PTGER1: variants seen among roughly 807,000 people sequenced by gnomAD.
PTGER1 encodes prostaglandin E2 receptor EP1 subtype.
In PTGER1, 15 loss-of-function variants were observed where a neutral mutation model predicts 18.5. The ratio of observed to expected loss-of-function variants is 0.81; its 90% CI spans 0.54 to 1.25. PTGER1 has a LOEUF of 1.25. PTGER1 is among the 50% of genes most tolerant of loss of function. The pLI is 0.00. For synonymous variants in PTGER1, 339 were observed against 308.4 expected (o/e 1.10, Z -1.04); for missense variants, 567 against 603.4 (o/e 0.94, Z 0.63).
rs1368846229 is a variant in PTGER1, at chr19:14,474,356, G to C, written c.-17-19C>G. On this transcript the variant is annotated intron_variant, in intron 1 of 2. Coordinates refer to ENST00000292513, the MANE Select transcript of PTGER1 (RefSeq NM_000955.3). This position sits in a 1 kb window ranked among gnomAD's most constrained non-coding sequence, Gnocchi z 5.4. ...AGGGGTGCTGGATAGAGGAGAGGAG[G>C]GCAGAGTGAGGCTGGCTGGGCCCGG... is the stretch of plus-strand genomic sequence containing the variant. 6.8e-7 allele frequency: 1 copy of C among 1,466,234 alleles called. No homozygotes were observed. Among genetic ancestry groups the C allele is most frequent in the Non-Finnish European group, 9.0e-7 (1 of 1,116,746 alleles). The allele number at this position is 1,466,234 out of a possible 1,614,324, so 90.8% of individuals were successfully genotyped here.
Position 14,473,904 on chromosome 19 carries a change from G to A in PTGER1, c.417C>T (p.Val139=). The A allele has an allele frequency of 7.4e-7, 1 of 1,359,008 alleles. No homozygotes were observed. Among genetic ancestry groups the A allele is most frequent in the Non-Finnish European group, 9.4e-7 (1 of 1,058,396 alleles). 84.2% of individuals were successfully genotyped at this position (1,359,008 alleles called of 1,614,324 possible). A position where few individuals can be genotyped will look rare whatever the true frequency, so the allele number is the denominator to read the frequency against. ...GCGCGGCGTGGAGCAGCGGCCGCGT[G>A]ACGCCCACGCAGCGCTCCACGGCCA... The part of the protein sequence containing the change: ...CGMAVERCVG[V]TRPLLHAARV... The change falls in exon 2 of 3, where the codon GTC becomes GTT. Residue 139 remains valine (V), a synonymous_variant. Coordinates refer to ENST00000292513, the MANE Select transcript of PTGER1 (RefSeq NM_000955.3). This position sits in a 1 kb window ranked among gnomAD's most constrained non-coding sequence, Gnocchi z 7.1.
rs1445229354 is a variant in PTGER1 at position 14,472,823 on chromosome 19, A to G, written c.946T>C (p.Leu316=). 1.3e-6 allele frequency: 2 copies of G among 1,550,588 alleles called. No individual in the cohort carries two copies. The highest frequency in any genetic ancestry group is 1.7e-6 in the Non-Finnish European group (2 of 1,150,086). ...CAGCCGCCGACGGCCAGCGCCACCA[A>G]CACCTGCGGGGGAAGCCGGTGTGAG... ...SCICWSPMLV[L]VALAVGGWSS... The change falls in exon 3 of 3, where the codon TTG becomes CTG. Residue 316 remains leucine, a synonymous_variant. Coordinates refer to ENST00000292513, the MANE Select transcript of PTGER1 (RefSeq NM_000955.3).
intron 2 of PTGER1, 34 bp from the exon 3 acceptor site, chr19:14,472,860 G>A: frequency 6.6e-7 from 1 of 1,523,408 alleles, no homozygotes; most frequent in Non-Finnish European, 8.8e-7. Flanking sequence ...TATAGAGCAG[G>A]CGCGGGCGCA....
intron 1 of PTGER1, among the ~76,000 whole-genome samples, chr19:14,475,054 A>G (rs2071599484): frequency 6.6e-6 from 1 of 151,580 alleles, no homozygotes; most frequent in Non-Finnish European, 1.5e-5. Flanking sequence ...ACGACCATCC[A>G]CTCTTTGATA....
chr19:14,473,356 C>T lies in PTGER1; in HGVS notation c.942+23G>A, dbSNP rs1190564970. 5.8e-6 allele frequency: 9 copies of T among 1,557,528 alleles called. No homozygotes were observed. Among genetic ancestry groups the T allele is most frequent in the African/African-American group, 2.7e-5 (2 of 73,002 alleles). ...AGAGGGAGCGGGAAGGAGCGTGGCT[C>T]GAGGGGCCGGTGCGCCCCTCACCAG... On this transcript the variant is annotated intron_variant, in intron 2 of 2. Transcript: ENST00000292513. The surrounding 1 kb of genome is among the most constrained non-coding windows in gnomAD (Gnocchi z 7.1).
At position 14,472,512 on chromosome 19, in the gene PTGER1, G is replaced by T; in HGVS notation, c.*48C>A. The T allele has an allele frequency of 2.3e-5, 34 of 1,493,870 alleles. No homozygotes were observed. The highest frequency in any genetic ancestry group is 2.9e-5 in the Non-Finnish European group (33 of 1,129,698). 92.5% of individuals were successfully genotyped at this position (1,493,870 alleles called of 1,614,324 possible). On this transcript the variant is annotated 3_prime_UTR_variant, in exon 3 of 3. Transcript: ENST00000292513. ...CCAAAGGCTCTGCGCCGCGCACCTG[G>T]GCCCAGCCCAGGGTGGGCTGGCTTA...
Position 14,473,457 on chromosome 19 carries a change from A to T in PTGER1, c.864T>A (p.Ala288=). ...CCACCATCTCCACGTCGTGGGCGCG[A>T]GCTCTGCGTGCCGAGCCGCTGCTCC... ...GSRSSGSARR[A]RAHDVEMVGQ... is the part of the protein sequence containing the mutation. The change falls in exon 2 of 3, where the codon GCT becomes GCA. Residue 288 remains alanine, a synonymous_variant. Coordinates refer to ENST00000292513, the MANE Select transcript of PTGER1 (RefSeq NM_000955.3). This position sits in a 1 kb window ranked among gnomAD's most constrained non-coding sequence, Gnocchi z 7.1. The T allele has an allele frequency of 6.3e-7, 1 of 1,590,886 alleles. No individual in the cohort carries two copies. Among genetic ancestry groups the T allele is most frequent in the South Asian group, 1.1e-5 (1 of 88,586 alleles).
chr19:14,473,638 G>A lies in PTGER1; in HGVS notation c.683C>T (p.Ala228Val). ...ALVCNTLSGLALLRARWRRRS... is the reference protein window; with the variant it reads ...ALVCNTLSGLVLLRARWRRRS... Reference sequence around the variant, plus strand: ...GCGTCGCCAGCGGGCGCGTAGCAGGGCCAGGCCGCTGAGCGTGTTGCACAC... The same window carrying A: ...GCGTCGCCAGCGGGCGCGTAGCAGGACCAGGCCGCTGAGCGTGTTGCACAC... Residue 228 changes from alanine to valine, a missense_variant, in exon 2 of 3, where the codon GCC becomes GTC. By Grantham distance (64) the Ala-to-Val change is moderately conservative. Coordinates refer to ENST00000292513, the MANE Select transcript of PTGER1 (RefSeq NM_000955.3). The surrounding 1 kb of genome is among the most constrained non-coding windows in gnomAD (Gnocchi z 7.1). 6.8e-7 allele frequency: 1 copy of A among 1,480,478 alleles called. No individual in the cohort carries two copies. The highest frequency in any genetic ancestry group is 8.9e-7 in the Non-Finnish European group (1 of 1,123,770). 91.7% of individuals were successfully genotyped at this position (1,480,478 alleles called of 1,614,324 possible).
chr19:14,474,026 A>G lies in PTGER1; in HGVS notation c.295T>C (p.Tyr99His). Residue 99 changes from tyrosine to histidine, a missense_variant, in exon 2 of 3, where the codon TAC (tyrosine) becomes CAC (histidine). Transcript: ENST00000292513. The surrounding 1 kb of genome is among the most constrained non-coding windows in gnomAD (Gnocchi z 5.4). ...CCGGCCGGAGCGCGCCCCGCAGTGT[A>G]CAGACGCAGCACCAGCGCGCCCGGG... ...VIPGALVLRL[Y>H]TAGRAPAGGA... The G allele has an allele frequency of 6.7e-7, 1 of 1,499,778 alleles. No homozygotes were observed. Among genetic ancestry groups the G allele is most frequent in the South Asian group, 1.2e-5 (1 of 81,038 alleles). The allele number at this position is 1,499,778 out of a possible 1,614,324, so 92.9% of individuals were successfully genotyped here.
At position 14,473,401 on chromosome 19, in the gene PTGER1, CACG is replaced by C. The variant is rs1292226632; in HGVS notation, c.917_919del (p.Ser306del). On this transcript the variant is annotated inframe_deletion, in exon 2 of 3. Coordinates refer to ENST00000292513, the MANE Select transcript of PTGER1 (RefSeq NM_000955.3). The surrounding 1 kb of genome is among the most constrained non-coding windows in gnomAD (Gnocchi z 7.1). ...CACCAGCATTGGGCTCCAGCAGATGCACGACACCACCATGATACCGACAAGCTG... is the reference window on the plus strand; with the variant it reads ...CACCAGCATTGGGCTCCAGCAGATGCACACCACCATGATACCGACAAGCTG... The C allele has an allele frequency of 1.3e-6, 2 of 1,594,558 alleles. No individual in the cohort carries two copies. The highest frequency in any genetic ancestry group is 2.3e-5 in the East Asian group (1 of 43,656).
chr19:14,475,011 A>G (rs2071599122), intron 1 of PTGER1, among the ~76,000 whole-genome samples: 1 of 151,952 alleles, frequency 6.6e-6, no homozygotes, highest in Non-Finnish European at 1.5e-5. Flanking sequence ...GTTCCACTCC[A>G]TATCCCTGCC....
Position 14,473,508 on chromosome 19 carries a change from C to T in PTGER1, c.813G>A (p.Ser271=), listed in dbSNP as rs1267498481. 2 of 1,576,746 alleles carry T rather than the reference C, an allele frequency of 1.3e-6. No homozygotes were observed. Among genetic ancestry groups the T allele is most frequent in the Non-Finnish European group, 1.7e-6 (2 of 1,165,536 alleles). ...ASASSASSIA[S]ASTFFGGSRS... The stretch of plus-strand genomic sequence containing the variant: ...GAGAGCCGCCAAAGAAGGTGGAGGC[C>T]GAAGCGATGGACGAGGCGGACGAGG... Residue 271 remains serine (S), a synonymous_variant, in exon 2 of 3, where the codon TCG becomes TCA. Transcript: ENST00000292513. The surrounding 1 kb of genome is among the most constrained non-coding windows in gnomAD (Gnocchi z 7.1).
In PTGER1 at chr19:14,474,438, C is replaced by A; in HGVS notation, c.-17-101G>T. 7.8e-7 allele frequency: 1 copy of A among 1,281,616 alleles called. No individual in the cohort carries two copies. Among genetic ancestry groups the A allele is most frequent in the Non-Finnish European group, 1.0e-6 (1 of 987,256 alleles). 79.4% of individuals were successfully genotyped at this position (1,281,616 alleles called of 1,614,324 possible). On this transcript the variant is annotated intron_variant, in intron 1 of 2. Transcript: ENST00000292513. This position sits in a 1 kb window ranked among gnomAD's most constrained non-coding sequence, Gnocchi z 5.4. ...CATCAGGGCCTGTTTGACTCCATGG[C>A]GTTCTCAGGCGGCCCCTCTGCCCAT...
In PTGER1 at chr19:14,474,542, C is replaced by T. The variant is rs1489012326; in HGVS notation, c.-17-205G>A. Among the ~76,000 whole-genome samples the T allele has an allele frequency of 1.3e-5, 2 of 152,152 alleles. No individual in the cohort carries two copies. Among genetic ancestry groups the T allele is most frequent in the African/African-American group, 2.4e-5 (1 of 41,418 alleles). Reference sequence around the variant, plus strand: ...TCTCCCTCTCTTTTGCCTCTCACCACCCCATCTCCTGCTCCAGGGCCTCCC... The same window carrying T: ...TCTCCCTCTCTTTTGCCTCTCACCATCCCATCTCCTGCTCCAGGGCCTCCC... On this transcript the variant is annotated intron_variant, in intron 1 of 2. Coordinates refer to ENST00000292513, the MANE Select transcript of PTGER1 (RefSeq NM_000955.3). This position sits in a 1 kb window ranked among gnomAD's most constrained non-coding sequence, Gnocchi z 5.4.
Position 14,474,122 on chromosome 19 carries a change from G to A in PTGER1, c.199C>T (p.Arg67Cys), listed in dbSNP as rs2071593354. 2 of 1,435,908 alleles carry A rather than the reference G, an allele frequency of 1.4e-6. 1 individual carries two copies. The allele number at this position is 1,435,908 out of a possible 1,614,324, so 88.9% of individuals were successfully genotyped here. The change falls in exon 2 of 3, where the codon CGC becomes TGC. Residue 67 changes from arginine to cysteine, a missense_variant. Coordinates refer to ENST00000292513, the MANE Select transcript of PTGER1 (RefSeq NM_000955.3). The surrounding 1 kb of genome is among the most constrained non-coding windows in gnomAD (Gnocchi z 5.4). ...LAQAAGRLRR[R>C]RSAATFLLFV... ...AGCAGGAAGGTGGCGGCCGAGCGGCGGCGTCGCAGGCGGCCCGCGGCCTGC... is the reference window on the plus strand; with the variant it reads ...AGCAGGAAGGTGGCGGCCGAGCGGCAGCGTCGCAGGCGGCCCGCGGCCTGC...
chr19:14,473,915 A>G lies in PTGER1; in HGVS notation c.406T>C (p.Cys136Arg). ...LLGCGMAVER[C>R]VGVTRPLLHA... ...AGCAGCGGCCGCGTGACGCCCACGC[A>G]GCGCTCCACGGCCATGCCACAGCCC... Residue 136 changes from cysteine (C) to arginine (R), a missense_variant, in exon 2 of 3, where the codon TGC (cysteine) becomes CGC (arginine). Physicochemically the swap from Cys to Arg is radical, Grantham distance 180. Transcript: ENST00000292513. This position sits in a 1 kb window ranked among gnomAD's most constrained non-coding sequence, Gnocchi z 7.1. 1 of 1,402,684 alleles carries G rather than the reference A, an allele frequency of 7.1e-7. No homozygotes were observed. Among genetic ancestry groups the G allele is most frequent in the Non-Finnish European group, 9.3e-7 (1 of 1,080,864 alleles). 86.9% of individuals were successfully genotyped at this position (1,402,684 alleles called of 1,614,324 possible). A position where few individuals can be genotyped will look rare whatever the true frequency, so the allele number is the denominator to read the frequency against.
At position 14,473,129 on chromosome 19, in the gene PTGER1, A is replaced by G. The variant is rs2071581100; in HGVS notation, c.942+250T>C. Among the ~76,000 whole-genome samples, 1 of 151,570 alleles carries G rather than the reference A, an allele frequency of 6.6e-6. No individual in the cohort carries two copies. Among genetic ancestry groups the G allele is most frequent in the African/African-American group, 2.4e-5 (1 of 41,136 alleles). ...GCGACTTATAACGGTGGGGCAGGAG[A>G]GGAGGCTTGTGTGGGTCGGGGTGCG... On this transcript the variant is annotated intron_variant, in intron 2 of 2. Coordinates refer to ENST00000292513, the MANE Select transcript of PTGER1 (RefSeq NM_000955.3). This position sits in a 1 kb window ranked among gnomAD's most constrained non-coding sequence, Gnocchi z 7.1.
Position 14,473,602 on chromosome 19 carries a change from C to T in PTGER1, c.719G>A (p.Arg240Gln), listed in dbSNP as rs1453931221. The change falls in exon 2 of 3, where the codon CGG becomes CAG. Residue 240 changes from arginine to glutamine, a missense_variant. Coordinates refer to ENST00000292513, the MANE Select transcript of PTGER1 (RefSeq NM_000955.3). The surrounding 1 kb of genome is among the most constrained non-coding windows in gnomAD (Gnocchi z 7.1). ...GTCGGGGCCTGAGGCCGGGGGAGGC[C>T]GTCGGGAGCGGCGTCGCCAGCGGGC... ...LRARWRRRSR[R>Q]PPPASGPDSR... is the part of the protein sequence containing the mutation. The T allele has an allele frequency of 6.8e-7, 1 of 1,463,878 alleles. No individual in the cohort carries two copies. The highest frequency in any genetic ancestry group is 8.9e-7 in the Non-Finnish European group (1 of 1,118,464). 90.7% of individuals were successfully genotyped at this position (1,463,878 alleles called of 1,614,324 possible).
chr19:14,472,681 A>G lies in PTGER1; in HGVS notation c.1088T>C (p.Leu363Pro), dbSNP rs1392504228. ...TCCGGCCCTCGGGGGCAAGAGGCGA[A>G]GCAGTTGGCGCAGCACGGCCTGGCG... is the stretch of plus-strand genomic sequence containing the variant. The part of the protein sequence containing the change: ...LLRQAVLRQL[L>P]RLLPPRAGAK... The change falls in exon 3 of 3, where the codon CTT (leucine) becomes CCT (proline). Residue 363 changes from leucine to proline, a missense_variant. Coordinates refer to ENST00000292513, the MANE Select transcript of PTGER1 (RefSeq NM_000955.3). The G allele has an allele frequency of 6.2e-7, 1 of 1,611,942 alleles. No homozygotes were observed. Among genetic ancestry groups the G allele is most frequent in the South Asian group, 1.1e-5 (1 of 90,906 alleles).
Sources: gnomAD v4.1 joint callset for allele counts (sites outside exome capture counted in the v4.1 genomes callset) on GRCh38, gnomAD v4.1.1 for gene constraint, Gnocchi (gnomAD v3.1) non-coding constraint, MANE v1.5 for transcripts, NCBI Gene and HGNC (gene_info 2026-07-23, HGNC 2026-07-21) for gene names.